The following CDH8 variants were observed in gnomAD, a reference collection of about 807,000 sequenced individuals.
CDH8 encodes the protein cadherin 8.
In CDH8, 17 loss-of-function variants were observed where a neutral mutation model predicts 68.1. The ratio of observed to expected loss-of-function variants is 0.25; its 90% confidence interval spans 0.17 to 0.37. CDH8 has a LOEUF of 0.37. CDH8 is among the 10% of genes least tolerant of loss of function. CDH8 has a pLI of 1.00. For missense variants in CDH8, 763 were observed against 999.3 expected (o/e 0.76, Z 3.19); for synonymous variants, 372 against 365.1 (o/e 1.02, Z -0.21).
intron 2 of CDH8, among the ~76,000 whole-genome samples, chr16:61,982,377 G>A (rs1014851340): frequency 6.6e-6 from 1 of 151,998 alleles, no homozygotes; most frequent in East Asian, 1.9e-4. Flanking sequence ...CCGCCACCTC[G>A]CCCGGCTAAT....
chr16:61,857,005 A>G (rs768907385), intron 4 of CDH8, 114 bp downstream of exon 4: 8 of 1,223,344 alleles, frequency 6.5e-6, no homozygotes, highest in Non-Finnish European at 9.5e-6. Context: ...TTCAAATATT[A>G]TTGATGCAGG....
chr16:61,991,966 G>T (rs1297899036), intron 2 of CDH8, among the ~76,000 whole-genome samples: 1 of 151,780 alleles, frequency 6.6e-6, no homozygotes, highest in African/African-American at 2.4e-5. Context: ...ACACGTTGTT[G>T]TTGTTGTTTA....
Position 61,719,365 on chromosome 16 carries a change from A to G in CDH8, c.1537-5407T>C, listed in dbSNP as rs1372101904. On this transcript the variant is annotated intron_variant, in intron 9 of 11. Coordinates refer to ENST00000577390, the MANE Select transcript of CDH8 (RefSeq NM_001796.5). ...TTTTTCAGCGTTGGGTTTTTCATTC[A>G]CTTTACCTTTCTTGAAACTAAATTG... 3.3e-5 allele frequency among the ~76,000 whole-genome samples: 5 copies of G among 151,046 alleles called. No individual in the cohort carries two copies. In the Admixed American group the frequency reaches 3.3e-4, roughly 10 times the overall value.
intron 10 of CDH8, among the ~76,000 whole-genome samples, chr16:61,669,558 T>C (rs1056308458): frequency 2.0e-5 from 3 of 152,016 alleles, no homozygotes; most frequent in African/African-American, 7.2e-5. Flanking sequence ...GTGAGGAAAA[T>C]GATTACGCAT....
intron 3 of CDH8, among the ~76,000 whole-genome samples, chr16:61,868,824 G>A (rs1448635582): frequency 6.6e-6 from 1 of 152,104 alleles, no homozygotes; most frequent in African/African-American, 2.4e-5. Flanking sequence ...AAAACTCTAC[G>A]TGACATAATT....
rs1167612094 is a variant in CDH8 at position 61,959,522 on chromosome 16, C to CT, written c.253-58050_253-58049insA. On this transcript the variant is annotated intron_variant, in intron 2 of 11. Transcript: ENST00000577390. ...GCAAAAGCCAGCCCTGCCTTATCCT[C>CT]CCTCTCTCTCTCTCTCTCTCTGTGT... is the stretch of plus-strand genomic sequence containing the variant. 7.5e-3 allele frequency among the ~76,000 whole-genome samples: 794 copies of CT among 105,558 alleles called. 6 individuals are homozygous for CT. Among genetic ancestry groups the CT allele is most frequent in the African/African-American group, 0.037 (763 of 20,540 alleles). 69.3% of individuals were successfully genotyped at this position (105,558 alleles called of 152,430 possible).
chr16:61,857,372 A>G, intron 3 of CDH8, 134 bp from the exon 4 acceptor site: 2 of 719,488 alleles, frequency 2.8e-6, no homozygotes, highest in South Asian at 1.9e-5. Context: ...TAAAAAGTTG[A>G]AGATAAACTG....
At chr16:61,845,141 G>A (rs1182355495) in intron 4 of CDH8, among the ~76,000 whole-genome samples, 1 of 152,102 alleles carries the variant, frequency 6.6e-6, no homozygotes, top group Non-Finnish European at 1.5e-5. Context: ...CTGACACATA[G>A]TAAGTCTTTT....
chr16:61,815,493 A>G (rs1424415595), intron 7 of CDH8, among the ~76,000 whole-genome samples: 2 of 152,210 alleles, frequency 1.3e-5, no homozygotes, highest in Non-Finnish European at 2.9e-5. Context: ...CTATGGCATG[A>G]AAGTTCCTTA....
At chr16:61,694,449 G>C (rs1431081827) in intron 10 of CDH8, among the ~76,000 whole-genome samples, 1 of 152,136 alleles carries the variant, frequency 6.6e-6, no homozygotes, top group African/African-American at 2.4e-5. Flanking sequence ...GGATGATGGA[G>C]TTTAGTCATA....
At chr16:61,735,435 C>T (rs1959650053) in intron 8 of CDH8, among the ~76,000 whole-genome samples, 2 of 152,092 alleles carry the variant, frequency 1.3e-5, no homozygotes, top group South Asian at 4.1e-4. Flanking sequence ...AATATCAGCT[C>T]AAGAAGGTTA....
chr16:61,850,037 G>T (rs1962906473), intron 4 of CDH8, among the ~76,000 whole-genome samples: 1 of 152,034 alleles, frequency 6.6e-6, no homozygotes, highest in Admixed American at 6.6e-5. Flanking sequence ...TGTACAAGTG[G>T]ACTTATATAC....
chr16:61,960,734 C>T (rs1425361279), intron 2 of CDH8, among the ~76,000 whole-genome samples: 2 of 152,040 alleles, frequency 1.3e-5, no homozygotes, highest in Non-Finnish European at 2.9e-5. Context: ...CTTCCTTTGC[C>T]TTCCACTACC....
chr16:61,908,058 AAAAAAG>A (rs1476607402), intron 2 of CDH8, among the ~76,000 whole-genome samples: 2 of 152,014 alleles, frequency 1.3e-5, no homozygotes, highest in African/African-American at 2.4e-5. Context: ...AAAAAAAAAA[AAAAAAG>A]AGTTAACTGA....
chr16:61,679,277 G>A (rs1963970556), intron 10 of CDH8, among the ~76,000 whole-genome samples: 1 of 152,022 alleles, frequency 6.6e-6, no homozygotes, highest in South Asian at 2.1e-4. Context: ...CTAGTTCACA[G>A]CCAAAATCAG....
At position 61,960,376 on chromosome 16, in the gene CDH8, C is replaced by CATAT. The variant is rs141355975; in HGVS notation, c.253-58904_253-58903insATAT. The stretch of plus-strand genomic sequence containing the variant: ...GTGTGTGTATACACATACATATATA[C>CATAT]ATGTGTGTGTGTATACACATACATA... On this transcript the variant is annotated intron_variant, in intron 2 of 11. Transcript: ENST00000577390. 2.5e-4 allele frequency among the ~76,000 whole-genome samples: 22 copies of CATAT among 89,348 alleles called. 4 individuals carry two copies. Among genetic ancestry groups the CATAT allele is most frequent in the East Asian group, 6.7e-4 (2 of 2,978 alleles). 58.6% of individuals were successfully genotyped at this position (89,348 alleles called of 152,430 possible).
At chr16:61,671,000 A>G (rs985401562) in intron 10 of CDH8, among the ~76,000 whole-genome samples, 3 of 152,104 alleles carry the variant, frequency 2.0e-5, no homozygotes, top group Admixed American at 1.3e-4. Context: ...TCAGAAAGCA[A>G]AACTATGGAT....
intron 7 of CDH8, among the ~76,000 whole-genome samples, chr16:61,801,391 A>T (rs117167357): frequency 0.045 from 6,923 of 152,290 alleles, 208 homozygotes; most frequent in Non-Finnish European, 0.068. Flanking sequence ...GCCCTGTTCT[A>T]TCCAATATGG....
chr16:61,752,187 A>T (rs1960185592), intron 8 of CDH8, among the ~76,000 whole-genome samples: 1 of 152,178 alleles, frequency 6.6e-6, no homozygotes, highest in South Asian at 2.1e-4. Context: ...GGGTAGTCTT[A>T]TTTCAGCAAA....
Sources: allele counts gnomAD v4.1 joint callset (sites outside exome capture counted in the v4.1 genomes callset), GRCh38; gene constraint gnomAD v4.1.1; transcripts MANE v1.5; gene names NCBI Gene and HGNC (gene_info 2026-07-23, HGNC 2026-07-21).